The following CHRNA9 variants were observed in gnomAD, a reference collection of about 807,000 sequenced individuals.
The protein encoded by CHRNA9 is neuronal acetylcholine receptor subunit alpha-9.
Under a neutral mutation model 36.8 loss-of-function variants are expected in CHRNA9, and 24 were observed. The observed-to-expected ratio is 0.65, with a 90% CI of 0.47 to 0.92. The LOEUF is 0.92. CHRNA9 is among the 40% of genes least tolerant of loss of function. CHRNA9 has a pLI of 0.00. For missense variants in CHRNA9, 610 were observed against 601.2 expected (o/e 1.01, Z -0.15); for synonymous variants, 231 against 231.8 (o/e 1.00, Z 0.03).
chr4:40,342,478 A>G (rs1474634884), intron 3 of CHRNA9, among the ~76,000 whole-genome samples: 1 of 152,238 alleles, frequency 6.6e-6, no homozygotes, highest in Non-Finnish European at 1.5e-5. Context: ...TAAGGAATTT[A>G]CAGAGGAAAC....
At chr4:40,346,338 A>C (rs1712636965) in intron 3 of CHRNA9, among the ~76,000 whole-genome samples, 1 of 152,182 alleles carries the variant, frequency 6.6e-6, no homozygotes, top group Non-Finnish European at 1.5e-5. Flanking sequence ...TCACCTCTTC[A>C]TGTCCAGGAA....
In CHRNA9 at chr4:40,340,352, CCTT is replaced by C. The variant is rs1467836959; in HGVS notation, c.365+2991_365+2993del. Among the ~76,000 whole-genome samples, 19 of 152,302 alleles carry C rather than the reference CCTT, an allele frequency of 1.2e-4. No individual in the cohort carries two copies. The East Asian group carries it at 2.1e-3, about 17-fold the overall frequency. On this transcript the variant is annotated intron_variant, in intron 3 of 4. Transcript: ENST00000310169. ...GCTCCTCTCTTCTCTTTTGCCTTCT[CCTT>C]CTCAGTAAAACTTCTCAGAGTTTTG... is the stretch of plus-strand genomic sequence containing the variant.
At chr4:40,336,755 C>T (rs1712333737) in intron 2 of CHRNA9, among the ~76,000 whole-genome samples, 1 of 152,288 alleles carries the variant, frequency 6.6e-6, no homozygotes, top group South Asian at 2.1e-4. Flanking sequence ...GCTGGGATTA[C>T]AGGCATGAGC....
At chr4:40,351,995 T>C (rs1712815541) in intron 4 of CHRNA9, among the ~76,000 whole-genome samples, 1 of 152,234 alleles carries the variant, frequency 6.6e-6, no homozygotes, top group African/African-American at 2.4e-5. Flanking sequence ...TGGACAGTTT[T>C]CCCTCTTTTT....
intron 3 of CHRNA9, among the ~76,000 whole-genome samples, chr4:40,346,493 T>C (rs890892933): frequency 2.0e-5 from 3 of 152,190 alleles, no homozygotes; most frequent in African/African-American, 7.2e-5. Context: ...TTCTCTCTGA[T>C]CCCCAGATCT....
At chr4:40,345,491 T>A (rs1712613455) in intron 3 of CHRNA9, among the ~76,000 whole-genome samples, 2 of 151,630 alleles carry the variant, frequency 1.3e-5, no homozygotes, top group African/African-American at 2.4e-5. Context: ...GCAGGCAGAT[T>A]ACCTGAGGTC....
intron 3 of CHRNA9, among the ~76,000 whole-genome samples, chr4:40,339,889 A>T (rs987562919): frequency 4.0e-5 from 6 of 151,218 alleles, no homozygotes; most frequent in African/African-American, 1.5e-4. Context: ...CTGGTTTCGA[A>T]CTCCTGGGCT....
chr4:40,343,407 A>G (rs1166535405), intron 3 of CHRNA9, among the ~76,000 whole-genome samples: 1 of 152,196 alleles, frequency 6.6e-6, no homozygotes, highest in Non-Finnish European at 1.5e-5. Context: ...CAGGCAAGAG[A>G]GAATGTGCAG....
At chr4:40,340,464 T>C (rs140229712) in intron 3 of CHRNA9, among the ~76,000 whole-genome samples, 7 of 152,276 alleles carry the variant, frequency 4.6e-5, no homozygotes, top group African/African-American at 1.7e-4. Flanking sequence ...TGGAAGAGTG[T>C]TGCAGGATCA....
chr4:40,341,226 A>G (rs1408913258), intron 3 of CHRNA9, among the ~76,000 whole-genome samples: 1 of 151,996 alleles, frequency 6.6e-6, no homozygotes, highest in East Asian at 1.9e-4. Context: ...AATGCAGATT[A>G]CAGAAATTTT....
At chr4:40,345,281 G>A (rs566572022) in intron 3 of CHRNA9, among the ~76,000 whole-genome samples, 66 of 152,268 alleles carry the variant, frequency 4.3e-4, no homozygotes, top group Non-Finnish European at 7.4e-4. Flanking sequence ...GCTGGGCGCG[G>A]TGGCTTGTAC....
chr4:40,337,098 T>C (rs1007489434), intron 2 of CHRNA9, 112 bp from the exon 3 acceptor site: 9 of 920,596 alleles, frequency 9.8e-6, no homozygotes, highest in South Asian at 1.7e-5. Context: ...ACTTTACTTA[T>C]TGAAATTTGA....
chr4:40,335,842 A>T lies in CHRNA9; in HGVS notation c.80A>T (p.Asp27Val). 6.2e-7 allele frequency: 1 copy of T among 1,613,390 alleles called. No individual in the cohort carries two copies. Among genetic ancestry groups the T allele is most frequent in the Non-Finnish European group, 8.5e-7 (1 of 1,179,434 alleles). The change falls in exon 2 of 5, where the codon GAT (aspartate) becomes GTT (valine). Residue 27 changes from aspartate to valine, a missense_variant. Transcript: ENST00000310169. Reference sequence around the variant, plus strand: ...TGTTGAGTAGCTGCAGAGACGGCAGATGGAAAATATGCTCAGAAGTTGTTT... The same window carrying T: ...TGTTGAGTAGCTGCAGAGACGGCAGTTGGAAAATATGCTCAGAAGTTGTTT... The part of the protein sequence containing the change: ...ASRLRAAETA[D>V]GKYAQKLFND...
chr4:40,352,451 C>G (rs776750528), intron 4 of CHRNA9, among the ~76,000 whole-genome samples: 2 of 152,178 alleles, frequency 1.3e-5, no homozygotes, highest in Non-Finnish European at 2.9e-5. Flanking sequence ...TCTCCAACTC[C>G]TGACCTCAAG....
chr4:40,344,503 C>A (rs1482959018), intron 3 of CHRNA9, among the ~76,000 whole-genome samples: 2 of 149,876 alleles, frequency 1.3e-5, no homozygotes, highest in Non-Finnish European at 2.9e-5. Flanking sequence ...CACTGCACCC[C>A]AGCCTGGGCA....
chr4:40,336,016 G>GA, intron 2 of CHRNA9, 44 bp downstream of exon 2: 1 of 1,526,988 alleles, frequency 6.5e-7, no homozygotes, highest in East Asian at 2.3e-5. Context: ...ATTCTTAGAG[G>GA]ATAAACAACC....
At chr4:40,342,419 T>C (rs1259552639) in intron 3 of CHRNA9, among the ~76,000 whole-genome samples, 2 of 152,024 alleles carry the variant, frequency 1.3e-5, no homozygotes, top group Non-Finnish European at 1.5e-5. Context: ...GAACTACTCA[T>C]GGAAGGAAAG....
chr4:40,350,445 A>C (rs1336078646), intron 4 of CHRNA9, among the ~76,000 whole-genome samples: 3 of 152,038 alleles, frequency 2.0e-5, no homozygotes, highest in African/African-American at 4.8e-5. Flanking sequence ...TTGAGATCCA[A>C]CACCTCCATC....
intron 3 of CHRNA9, among the ~76,000 whole-genome samples, chr4:40,347,501 G>A (rs190369800): frequency 4.3e-4 from 66 of 152,300 alleles, no homozygotes; most frequent in East Asian, 3.9e-4. Flanking sequence ...AAAGAATGTT[G>A]TAGAAGAGTA....
Sources: gnomAD v4.1 joint callset for allele counts (sites outside exome capture counted in the v4.1 genomes callset) on GRCh38, gnomAD v4.1.1 for gene constraint, MANE v1.5 for transcripts, NCBI Gene and HGNC (gene_info 2026-07-23, HGNC 2026-07-21) for gene names.